The following NADK2 variants were observed in gnomAD, a reference collection of about 807,000 sequenced individuals.
NADK2 encodes the protein NAD kinase domain-containing protein 1, mitochondrial.
Under a neutral mutation model 62.1 loss-of-function variants are expected in NADK2, and 35 were observed. The observed-to-expected ratio is 0.56, with a 90% confidence interval of 0.43 to 0.75. The LOEUF (loss-of-function observed/expected upper bound fraction) is 0.75. Ranked by LOEUF, NADK2 falls within the 30% of genes least tolerant of loss-of-function variation. NADK2 has a pLI of 0.00. For synonymous variants in NADK2, 205 were observed against 207.9 expected, an observed-to-expected ratio of 0.99 and a Z score of 0.12; for missense variants, 439 against 561.3, an observed-to-expected ratio of 0.78 and a Z score of 2.20.
intron 4 of NADK2, among the ~76,000 whole-genome samples, chr5:36,222,957 C>A (rs1747331523): frequency 6.6e-6 from 1 of 151,972 alleles, no homozygotes; most frequent in African/African-American, 2.4e-5. Context: ...TGGATATATC[C>A]AAAGTAGAGG....
intron 1 of NADK2, among the ~76,000 whole-genome samples, chr5:36,234,420 A>G (rs376266202): frequency 5.9e-5 from 9 of 152,004 alleles, no homozygotes; most frequent in African/African-American, 1.9e-4. Context: ...ATCTACACAG[A>G]TAAGTTTTGA....
intron 6 of NADK2, among the ~76,000 whole-genome samples, chr5:36,216,057 A>C (rs775709172): frequency 6.6e-6 from 1 of 152,128 alleles, no homozygotes; most frequent in African/African-American, 2.4e-5. Context: ...TACCACCAAC[A>C]GTGTACAAGA....
At chr5:36,230,816 T>C (rs576449061) in intron 1 of NADK2, among the ~76,000 whole-genome samples, 13 of 152,364 alleles carry the variant, frequency 8.5e-5, no homozygotes, top group Admixed American at 7.8e-4. Flanking sequence ...ATCTAAATAT[T>C]TGACTGCCTA....
intron 7 of NADK2, chr5:36,208,656 A>G: frequency 6.5e-7 from 1 of 1,533,966 alleles, no homozygotes; most frequent in African/African-American, 1.4e-5. Context: ...CTTCTTCTTA[A>G]ATTGTCCACT....
intron 11 of NADK2, among the ~76,000 whole-genome samples, chr5:36,197,205 C>T (rs1276752719): frequency 6.6e-6 from 1 of 151,980 alleles, no homozygotes; most frequent in East Asian, 1.9e-4. Flanking sequence ...TTTTATTCTA[C>T]AGCTTATGAA....
At chr5:36,211,554 C>CAAA (rs11387893) in intron 7 of NADK2, among the ~76,000 whole-genome samples, 1 of 146,718 alleles carries the variant, frequency 6.8e-6, no homozygotes, top group Non-Finnish European at 1.5e-5. Flanking sequence ...GACTCAGTCT[C>CAAA]AAAAAAAAAA....
intron 1 of NADK2, among the ~76,000 whole-genome samples, chr5:36,230,115 A>G (rs1053698657): frequency 6.6e-6 from 1 of 152,020 alleles, no homozygotes; most frequent in Non-Finnish European, 1.5e-5. Flanking sequence ...AGACCACAGC[A>G]TGTCTCTTCC....
At chr5:36,212,393 T>C (rs1579612569) in intron 6 of NADK2, 1 of 152,586 alleles carries the variant, frequency 6.6e-6, no homozygotes, top group East Asian at 1.9e-4. Flanking sequence ...AGAGTGTTTT[T>C]AGCAACAGCA....
Position 36,238,933 on chromosome 5 carries a change from T to C in NADK2, c.300+2566A>G, listed in dbSNP as rs572084844. Among the ~76,000 whole-genome samples the C allele has an allele frequency of 2.6e-5, 4 of 152,342 alleles. No individual in the cohort carries two copies. In the South Asian group the frequency reaches 8.3e-4, roughly 32 times the overall value. On this transcript the variant is annotated intron_variant, in intron 1 of 11. Transcript: ENST00000381937. ...AAAATATTTCCTGTAATTGTTTACA[T>C]TTCTACAAAGTTAGAAAATCATCAG...
intron 10 of NADK2, 55 bp from the exon 11 acceptor site, chr5:36,197,719 G>A (rs2112054763): frequency 3.6e-6 from 5 of 1,396,546 alleles, no homozygotes; most frequent in South Asian, 1.6e-5. Context: ...TTCTGAGAAG[G>A]GCAAAACAAA....
intron 9 of NADK2, among the ~76,000 whole-genome samples, chr5:36,200,761 G>A (rs895762493): frequency 1.3e-5 from 2 of 151,884 alleles, no homozygotes; most frequent in Admixed American, 6.6e-5. Flanking sequence ...CGACTGTCAT[G>A]GTATCATAGT....
intron 1 of NADK2, among the ~76,000 whole-genome samples, chr5:36,229,238 G>A (rs964572193): frequency 6.2e-4 from 95 of 152,094 alleles, no homozygotes; most frequent in Non-Finnish European, 1.8e-4. Context: ...AGCTGAGGAA[G>A]CATTTGGCTA....
chr5:36,235,883 GAA>G (rs202059515), intron 1 of NADK2, among the ~76,000 whole-genome samples: 3 of 41,564 alleles, frequency 7.2e-5, no homozygotes, highest in South Asian at 1.2e-3. Context: ...TTATTATGAA[GAA>G]AATATATATA....
intron 1 of NADK2, among the ~76,000 whole-genome samples, chr5:36,239,047 C>CA (rs1413455778): frequency 1.3e-5 from 2 of 152,048 alleles, no homozygotes; most frequent in African/African-American, 4.8e-5. Flanking sequence ...TGTTTTACAT[C>CA]AAAAAACCAC....
intron 1 of NADK2, among the ~76,000 whole-genome samples, chr5:36,236,698 G>A (rs79852276): frequency 0.043 from 6,605 of 152,076 alleles, 539 homozygotes; most frequent in African/African-American, 0.15. Context: ...CGATAAAGGA[G>A]ATGCAATTCT....
chr5:36,242,050 GC>G (rs1053387215), upstream of NADK2: 29 of 211,874 alleles, frequency 1.4e-4, no homozygotes, highest in Non-Finnish European at 8.4e-5. Flanking sequence ...AGAAATGGAG[GC>G]CCCAGCTAGT....
chr5:36,207,191 G>T lies in NADK2; in HGVS notation c.935C>A (p.Thr312Asn). ...KQKSSGLNLC[T>N]GTGSKAWSFN... Reference sequence around the variant, plus strand: ...TCACCAGGCCTTTGATCCTGTTCCAGTACACAAATTGAGCCCTGAACTCTT... The same window carrying T: ...TCACCAGGCCTTTGATCCTGTTCCATTACACAAATTGAGCCCTGAACTCTT... The change falls in exon 8 of 12, where the codon ACT becomes AAT. Residue 312 changes from threonine (T) to asparagine (N), a missense_variant. Transcript: ENST00000381937. 2 of 1,612,818 alleles carry T rather than the reference G, an allele frequency of 1.2e-6. No homozygotes were observed. The highest frequency in any genetic ancestry group is 1.7e-6 in the Non-Finnish European group (2 of 1,179,192).
chr5:36,237,482 C>A (rs2112207081), intron 1 of NADK2, among the ~76,000 whole-genome samples: 1 of 152,284 alleles, frequency 6.6e-6, no homozygotes, highest in South Asian at 2.1e-4. Context: ...ATAACAGTTA[C>A]TTCCAGGGAC....
At chr5:36,215,535 G>A (rs746627600) in intron 6 of NADK2, among the ~76,000 whole-genome samples, 33 of 152,106 alleles carry the variant, frequency 2.2e-4, no homozygotes, top group South Asian at 4.1e-4. Flanking sequence ...GCTATTGAAC[G>A]TTAGAACTTA....
Sources: allele counts gnomAD v4.1 joint callset (sites outside exome capture counted in the v4.1 genomes callset), GRCh38; gene constraint gnomAD v4.1.1; transcripts MANE v1.5; gene names NCBI Gene and HGNC (gene_info 2026-07-23, HGNC 2026-07-21).